PRKN: variants seen among roughly 807,000 people sequenced by gnomAD.
The protein encoded by PRKN is parkin RBR E3 ubiquitin protein ligase.
In PRKN, 56 loss-of-function variants were observed where a neutral mutation model predicts 59.5. The observed-to-expected ratio is 0.94, with a 90% CI of 0.76 to 1.18. The LOEUF (loss-of-function observed/expected upper bound fraction) is 1.18. PRKN is among the 50% of genes most tolerant of loss of function. The pLI, the probability that PRKN is intolerant of heterozygous loss-of-function variation, is 0.00. For missense variants in PRKN, 657 were observed against 596.4 expected, an observed-to-expected ratio of 1.10 and a Z score of -1.06; for synonymous variants, 250 against 222.1, an observed-to-expected ratio of 1.13 and a Z score of -1.12.
At chr6:162,474,195 G>A (rs542957591) in intron 1 of PRKN, among the ~76,000 whole-genome samples, 24 of 152,220 alleles carry the variant, frequency 1.6e-4, no homozygotes, top group African/African-American at 5.5e-4. Context: ...GAATATCCAC[G>A]TTAAACTAAT....
chr6:161,631,281 A>T (rs550520935), intron 7 of PRKN, among the ~76,000 whole-genome samples: 1 of 152,348 alleles, frequency 6.6e-6, no homozygotes, highest in South Asian at 2.1e-4. Context: ...AAGGAAACAA[A>T]TTCTTTACCA....
intron 1 of PRKN, among the ~76,000 whole-genome samples, chr6:162,682,878 C>G (rs1779824470): frequency 6.6e-6 from 1 of 151,986 alleles, no homozygotes. Context: ...CATTTGCAAA[C>G]AGAAGAATCC....
chr6:162,216,899 A>C (rs1777698836), intron 3 of PRKN, among the ~76,000 whole-genome samples: 1 of 152,184 alleles, frequency 6.6e-6, no homozygotes, highest in African/African-American at 2.4e-5. Context: ...AGGGTTTTGG[A>C]AGAAACTGAT....
At chr6:161,944,980 C>T (rs182162854) in intron 6 of PRKN, among the ~76,000 whole-genome samples, 2 of 152,126 alleles carry the variant, frequency 1.3e-5, no homozygotes, top group Admixed American at 6.5e-5. Context: ...TCCTTTTTGA[C>T]CTTTTATCCT....
At chr6:162,108,906 G>C (rs1026699986) in intron 4 of PRKN, among the ~76,000 whole-genome samples, 1 of 152,338 alleles carries the variant, frequency 6.6e-6, no homozygotes, top group South Asian at 2.1e-4. Context: ...GCCCAGGAAG[G>C]AACTGAGGGG....
chr6:161,678,722 G>T (rs1372231650), intron 7 of PRKN, among the ~76,000 whole-genome samples: 2 of 151,838 alleles, frequency 1.3e-5, no homozygotes, highest in Admixed American at 1.3e-4. Flanking sequence ...GCACCACCAT[G>T]CCTGGCTAAT....
chr6:161,931,296 G>C (rs1779162603), intron 6 of PRKN, among the ~76,000 whole-genome samples: 1 of 152,012 alleles, frequency 6.6e-6, no homozygotes, highest in African/African-American at 2.4e-5. Flanking sequence ...AAATTAGCTG[G>C]GCATGGTGGT....
chr6:162,422,977 A>AG (rs1554320191), intron 2 of PRKN, among the ~76,000 whole-genome samples: 1 of 145,510 alleles, frequency 6.9e-6, no homozygotes, highest in Non-Finnish European at 1.5e-5. Flanking sequence ...AAAAAAAAAA[A>AG]GCATCATAAG....
At chr6:162,167,521 T>C (rs1238111623) in intron 4 of PRKN, among the ~76,000 whole-genome samples, 3 of 152,078 alleles carry the variant, frequency 2.0e-5, no homozygotes, top group Non-Finnish European at 4.4e-5. Context: ...GATCTGACTA[T>C]TATAGAGAAA....
intron 1 of PRKN, among the ~76,000 whole-genome samples, chr6:162,522,142 G>A (rs1778102723): frequency 6.6e-6 from 1 of 151,912 alleles, no homozygotes. Context: ...TTGTTTTTTT[G>A]AGACAAGCTC....
chr6:162,139,941 T>A (rs904776921), intron 4 of PRKN, among the ~76,000 whole-genome samples: 3 of 152,082 alleles, frequency 2.0e-5, no homozygotes, highest in African/African-American at 7.2e-5. Context: ...AAATGCTACT[T>A]AGTACAAATG....
chr6:162,239,723 G>T (rs1042344179), intron 3 of PRKN, among the ~76,000 whole-genome samples: 1 of 152,018 alleles, frequency 6.6e-6, no homozygotes, highest in African/African-American at 2.4e-5. Context: ...ACAGTGCAAA[G>T]CTAATTAGGG....
At position 161,471,806 on chromosome 6, in the gene PRKN, A is replaced by G. The variant is rs73782905; in HGVS notation, c.1083+77048T>C. ...AACATGTGTCATAAAGATAATTAAC[A>G]TACAATAAATGCATCTATGAAAGAT... On this transcript the variant is annotated intron_variant, in intron 9 of 11. Coordinates refer to ENST00000366898, the MANE Select transcript of PRKN (RefSeq NM_004562.3). The surrounding 1 kb of genome is among the most constrained non-coding windows in gnomAD (Gnocchi z 4.5). Among the ~76,000 whole-genome samples, 30 of 152,374 alleles carry G rather than the reference A, an allele frequency of 2.0e-4. No homozygotes were observed. The highest frequency in any genetic ancestry group is 6.7e-4 in the African/African-American group (28 of 41,596).
At chr6:162,314,596 A>G (rs924986048) in intron 2 of PRKN, among the ~76,000 whole-genome samples, 1 of 152,108 alleles carries the variant, frequency 6.6e-6, no homozygotes, top group Non-Finnish European at 1.5e-5. Context: ...CGGCATCTCC[A>G]GGCAACTTAC....
intron 4 of PRKN, among the ~76,000 whole-genome samples, chr6:162,096,746 C>T (rs1157118484): frequency 6.6e-6 from 1 of 151,064 alleles, no homozygotes; most frequent in East Asian, 2.0e-4. Flanking sequence ...GGCCTCCCAG[C>T]CATGCAGAAC....
At chr6:161,933,047 A>C (rs1219656976) in intron 6 of PRKN, among the ~76,000 whole-genome samples, 1 of 152,200 alleles carries the variant, frequency 6.6e-6, no homozygotes, top group Non-Finnish European at 1.5e-5. Context: ...TGGGAGGCGG[A>C]GGCAGGCGGA....
At chr6:162,207,782 T>C (rs986117070) in intron 3 of PRKN, among the ~76,000 whole-genome samples, 3 of 152,194 alleles carry the variant, frequency 2.0e-5, no homozygotes, top group African/African-American at 7.2e-5. Context: ...CTTCACTCTA[T>C]TTCATATGCT....
chr6:162,721,871 A>G (rs1778953003), intron 1 of PRKN, among the ~76,000 whole-genome samples: 1 of 152,216 alleles, frequency 6.6e-6, no homozygotes, highest in South Asian at 2.1e-4. Context: ...CTGGATCTTG[A>G]GTGATGAACA....
At chr6:161,754,716 T>C (rs1788840714) in intron 7 of PRKN, among the ~76,000 whole-genome samples, 1 of 152,198 alleles carries the variant, frequency 6.6e-6, no homozygotes, top group Non-Finnish European at 1.5e-5. Flanking sequence ...ATGACAAATA[T>C]TGTGTAAACG....
Sources: allele counts gnomAD v4.1 joint callset (sites outside exome capture counted in the v4.1 genomes callset), GRCh38; gene constraint gnomAD v4.1.1; non-coding constraint Gnocchi (gnomAD v3.1); transcripts MANE v1.5; gene names NCBI Gene and HGNC (gene_info 2026-07-23, HGNC 2026-07-21).